The following PTPRD variants were observed in gnomAD, a reference collection of about 807,000 sequenced individuals.
PTPRD encodes the protein receptor-type tyrosine-protein phosphatase delta.
A neutral mutation model predicts 214.5 loss-of-function variants in PTPRD; 34 were observed. The ratio of observed to expected loss-of-function variants is 0.16; its 90% CI spans 0.12 to 0.21. The LOEUF (loss-of-function observed/expected upper bound fraction) is 0.21, where lower values mean the gene tolerates loss of function less well. Among genes scored for constraint, PTPRD ranks in the 10% least tolerant of loss-of-function variants. The pLI is 1.00. For missense variants in PTPRD, 2,545 were observed against 2,398.7 expected (o/e 1.06, Z -1.27); for synonymous variants, 1,128 against 845.7 (o/e 1.33, Z -5.79).
intron 12 of PTPRD, among the ~76,000 whole-genome samples, chr9:8,644,362 A>C (rs1250056063): frequency 2.6e-5 from 4 of 152,194 alleles, no homozygotes; most frequent in Non-Finnish European, 5.9e-5. Context: ...CTATTGCTCA[A>C]TAAAGCTCTT....
intron 5 of PTPRD, among the ~76,000 whole-genome samples, chr9:9,825,781 T>C (rs574210204): frequency 7.2e-4 from 109 of 151,992 alleles, no homozygotes; most frequent in African/African-American, 2.6e-3. Flanking sequence ...TGTATCTCCA[T>C]TATGTTACCA....
intron 7 of PTPRD, among the ~76,000 whole-genome samples, chr9:9,698,859 C>T (rs1321076783): frequency 6.6e-6 from 1 of 152,186 alleles, no homozygotes; most frequent in Non-Finnish European, 1.5e-5. Context: ...AGCCTAACAA[C>T]ATAGCCTAAC....
intron 2 of PTPRD, among the ~76,000 whole-genome samples, chr9:10,446,426 T>C (rs1223319049): frequency 4.2e-5 from 6 of 144,022 alleles, no homozygotes; most frequent in Non-Finnish European, 9.2e-5. Context: ...TCTTTTTTTT[T>C]TTTTTTTTTT....
intron 5 of PTPRD, among the ~76,000 whole-genome samples, chr9:9,844,879 T>G (rs1048394966): frequency 6.6e-6 from 1 of 151,226 alleles, no homozygotes; most frequent in Non-Finnish European, 1.5e-5. Flanking sequence ...AACAAATAAA[T>G]AAAAGAAATT....
rs148046882 is a variant in PTPRD, at chr9:8,821,274, C to CCT, written c.-103-87330_-103-87329dup. 2.7e-3 allele frequency among the ~76,000 whole-genome samples: 404 copies of CCT among 151,100 alleles called. 4 individuals are homozygous for CCT. The highest frequency in any genetic ancestry group is 9.1e-3 in the African/African-American group (377 of 41,294). On this transcript the variant is annotated intron_variant, in intron 11 of 45. Coordinates refer to ENST00000381196, the MANE Select transcript of PTPRD (RefSeq NM_002839.4). ...TGGGTTTGGCCCATGTTTACAGCCA[C>CCT]CTCTCTCTCTCTCTGTCTCTCTCTC...
chr9:9,822,288 G>A (rs2051040842), intron 5 of PTPRD, among the ~76,000 whole-genome samples: 1 of 151,442 alleles, frequency 6.6e-6, no homozygotes, highest in African/African-American at 2.4e-5. Context: ...GTGCATGCCT[G>A]TAGTTCCAGC....
chr9:10,192,070 C>T (rs754624726), intron 3 of PTPRD, among the ~76,000 whole-genome samples: 3 of 152,144 alleles, frequency 2.0e-5, no homozygotes, highest in Non-Finnish European at 4.4e-5. Flanking sequence ...GGACCTTAGC[C>T]AAGGCCTGTG....
intron 11 of PTPRD, among the ~76,000 whole-genome samples, chr9:8,833,772 T>C (rs1477388234): frequency 1.7e-5 from 2 of 117,174 alleles, no homozygotes; most frequent in African/African-American, 7.6e-5. Context: ...TATATATATG[T>C]ATGATTTAAT....
At chr9:8,474,495 G>A (rs1432039078) in intron 30 of PTPRD, among the ~76,000 whole-genome samples, 1 of 152,152 alleles carries the variant, frequency 6.6e-6, no homozygotes, top group African/African-American at 2.4e-5. Context: ...CCAGAATCCA[G>A]GGAGCTGAAC....
At chr9:9,686,418 C>T (rs1046867311) in intron 7 of PTPRD, among the ~76,000 whole-genome samples, 2 of 151,146 alleles carry the variant, frequency 1.3e-5, no homozygotes, top group African/African-American at 4.8e-5. Flanking sequence ...CATTCTTATT[C>T]TATAGACAGA....
chr9:10,122,207 C>A (rs1159951075), intron 3 of PTPRD, among the ~76,000 whole-genome samples: 1 of 152,104 alleles, frequency 6.6e-6, no homozygotes, highest in African/African-American at 2.4e-5. Context: ...ACTCGGGAGG[C>A]TGAGGCAGGA....
intron 2 of PTPRD, among the ~76,000 whole-genome samples, chr9:10,368,252 G>A (rs374690901): frequency 4.0e-5 from 6 of 151,866 alleles, no homozygotes; most frequent in African/African-American, 1.4e-4. Context: ...AATTTACTTA[G>A]AAAAAAAGAG....
At chr9:9,920,090 T>A (rs1006013349) in intron 5 of PTPRD, among the ~76,000 whole-genome samples, 4 of 152,160 alleles carry the variant, frequency 2.6e-5, no homozygotes, top group African/African-American at 7.2e-5. Context: ...TTAGACATGT[T>A]TTAAGTTTTA....
intron 5 of PTPRD, among the ~76,000 whole-genome samples, chr9:9,782,693 A>C (rs902709510): frequency 2.0e-5 from 3 of 152,212 alleles, no homozygotes; most frequent in Admixed American, 6.5e-5. Flanking sequence ...AGAAGGAAAC[A>C]AAAGGTTATG....
At chr9:8,500,071 G>T (rs1205365879) in intron 24 of PTPRD, among the ~76,000 whole-genome samples, 3 of 140,180 alleles carry the variant, frequency 2.1e-5, no homozygotes, top group Non-Finnish European at 4.7e-5. Flanking sequence ...AAAAAAAATG[G>T]AAGAAAAAAA....
intron 11 of PTPRD, among the ~76,000 whole-genome samples, chr9:8,993,929 A>G (rs2099386979): frequency 6.6e-6 from 1 of 152,148 alleles, no homozygotes; most frequent in Admixed American, 6.6e-5. Flanking sequence ...AATAAATGTA[A>G]TATTTGATAA....
chr9:8,474,180 T>C (rs1439911213), intron 30 of PTPRD, among the ~76,000 whole-genome samples: 1 of 152,144 alleles, frequency 6.6e-6, no homozygotes, highest in Non-Finnish European at 1.5e-5. Context: ...TTCCACTCTC[T>C]TGCTTTTGTA....
At chr9:10,453,365 G>T (rs1316117465) in intron 2 of PTPRD, among the ~76,000 whole-genome samples, 1 of 151,440 alleles carries the variant, frequency 6.6e-6, no homozygotes, top group Non-Finnish European at 1.5e-5. Flanking sequence ...AAGAAGTTTG[G>T]TAGATATTGA....
At chr9:8,957,876 A>C (rs527508444) in intron 11 of PTPRD, among the ~76,000 whole-genome samples, 2 of 151,918 alleles carry the variant, frequency 1.3e-5, no homozygotes, top group South Asian at 4.1e-4. Context: ...ACAAAACAGA[A>C]AAGAATGCTA....
Sources: gnomAD v4.1 joint callset for allele counts (sites outside exome capture counted in the v4.1 genomes callset) on GRCh38, gnomAD v4.1.1 for gene constraint, MANE v1.5 for transcripts, NCBI Gene and HGNC (gene_info 2026-07-23, HGNC 2026-07-21) for gene names.